ZNF385D: variants seen among roughly 807,000 people sequenced by gnomAD.
The protein encoded by ZNF385D is zinc finger protein 385D, also known as zinc finger protein 659.
In ZNF385D, 15 loss-of-function variants were observed where a neutral mutation model predicts 35.8. That is an observed-to-expected ratio of 0.42 (90% confidence interval 0.28 to 0.64). The LOEUF (loss-of-function observed/expected upper bound fraction) is 0.64. Ranked by LOEUF, ZNF385D falls within the 30% of genes least tolerant of loss-of-function variation. ZNF385D has a pLI of 0.23. For synonymous variants in ZNF385D, 212 were observed against 186.8 expected, an observed-to-expected ratio of 1.13 and a Z score of -1.10; for missense variants, 474 against 494.6, an observed-to-expected ratio of 0.96 and a Z score of 0.39.
chr3:21,818,700 T>C (rs1241173899), intron 3 of ZNF385D, among the ~76,000 whole-genome samples: 1 of 152,058 alleles, frequency 6.6e-6, no homozygotes, highest in African/African-American at 2.4e-5. Flanking sequence ...GGTAAAGAAA[T>C]AAGATATATG....
intron 3 of ZNF385D, among the ~76,000 whole-genome samples, chr3:22,017,254 A>G (rs1696949172): frequency 6.6e-6 from 1 of 152,074 alleles, no homozygotes; most frequent in South Asian, 2.1e-4. Context: ...CATCTGGTTA[A>G]CATCACATAC....
In ZNF385D at chr3:22,325,573, G is replaced by C. The variant is rs866645951; in HGVS notation, c.106+46877C>G. 3.3e-5 allele frequency among the ~76,000 whole-genome samples: 5 copies of C among 152,056 alleles called. No individual in the cohort carries two copies. The South Asian group carries it at 1.0e-3, about 32-fold the overall frequency. ...GAGGCCAGGAGTTCGAGACCAGCCT[G>C]GGCAACATGGTCAAACTTCTACTAA... On this transcript the variant is annotated intron_variant, in intron 2 of 5. Coordinates refer to the ZNF385D transcript ENST00000494108.
intron 2 of ZNF385D, among the ~76,000 whole-genome samples, chr3:21,628,210 A>C (rs73138805): frequency 0.045 from 6,885 of 152,184 alleles, 517 homozygotes; most frequent in African/African-American, 0.16. Flanking sequence ...TGTTGCAAAA[A>C]GTCTTCACTC....
intron 2 of ZNF385D, among the ~76,000 whole-genome samples, chr3:22,336,161 A>G (rs2125469234): frequency 6.6e-6 from 1 of 152,230 alleles, no homozygotes; most frequent in East Asian, 1.9e-4. Flanking sequence ...TCACATGGTA[A>G]AACTGTTAAC....
At chr3:21,957,800 T>C (rs1288196445) in intron 3 of ZNF385D, among the ~76,000 whole-genome samples, 4 of 152,104 alleles carry the variant, frequency 2.6e-5, no homozygotes, top group Non-Finnish European at 5.9e-5. Flanking sequence ...GCTTTGACTT[T>C]TTCTCCTTCA....
intron 3 of ZNF385D, among the ~76,000 whole-genome samples, chr3:22,042,858 A>G (rs939621856): frequency 3.3e-5 from 5 of 152,202 alleles, no homozygotes; most frequent in African/African-American, 1.2e-4. Flanking sequence ...AAGATCACAG[A>G]CATATGTCAA....
chr3:22,220,386 C>A (rs1559461027), intron 2 of ZNF385D, among the ~76,000 whole-genome samples: 1 of 151,824 alleles, frequency 6.6e-6, no homozygotes, highest in African/African-American at 2.4e-5. Flanking sequence ...TTATCTCTGA[C>A]TCTAATTTCT....
At chr3:22,066,191 A>G (rs1285081283) in intron 3 of ZNF385D, among the ~76,000 whole-genome samples, 1 of 152,138 alleles carries the variant, frequency 6.6e-6, no homozygotes, top group South Asian at 2.1e-4. Context: ...TCAATAAATT[A>G]GAGTCAAAAG....
chr3:22,058,807 A>G (rs982034709), intron 3 of ZNF385D, among the ~76,000 whole-genome samples: 3 of 152,192 alleles, frequency 2.0e-5, no homozygotes, highest in Admixed American at 1.3e-4. Flanking sequence ...TTTGCTTTGT[A>G]TATTTGGTTA....
At chr3:21,914,108 C>G (rs564889252) in intron 3 of ZNF385D, among the ~76,000 whole-genome samples, 2 of 152,048 alleles carry the variant, frequency 1.3e-5, no homozygotes, top group Non-Finnish European at 2.9e-5. Flanking sequence ...ATGTAGCCTA[C>G]AGTTTAACAT....
At chr3:22,075,125 C>T (rs528794829) in intron 3 of ZNF385D, among the ~76,000 whole-genome samples, 1 of 152,062 alleles carries the variant, frequency 6.6e-6, no homozygotes, top group African/African-American at 2.4e-5. Context: ...TTGGCCCAAG[C>T]ATTGATACTT....
chr3:21,474,118 T>TA (rs34853843), intron 4 of ZNF385D, among the ~76,000 whole-genome samples: 142,193 of 151,966 alleles, frequency 0.94, 66,635 homozygotes, highest in African/African-American at 0.98. Flanking sequence ...GTGGAACAAA[T>TA]TTTTTTTTAA....
intron 3 of ZNF385D, among the ~76,000 whole-genome samples, chr3:21,894,406 G>A (rs1699029745): frequency 6.6e-6 from 1 of 152,120 alleles, no homozygotes; most frequent in Non-Finnish European, 1.5e-5. Context: ...TTGAGCAAAT[G>A]TTTGAAGCCA....
intron 3 of ZNF385D, among the ~76,000 whole-genome samples, chr3:22,072,419 G>C (rs147353371): frequency 1.3e-5 from 2 of 152,144 alleles, no homozygotes; most frequent in East Asian, 3.9e-4. Context: ...CCTTCAAGCA[G>C]AATGAAGCAC....
Position 21,574,320 on chromosome 3 carries a change from T to C in ZNF385D, c.166-9636A>G, listed in dbSNP as rs535725240. ...TCTCTACGTGAATAAAGTCCGCAAA[T>C]TCCTAACTGAAAAAACTACAAAATA... On this transcript the variant is annotated intron_variant, in intron 2 of 7. Coordinates refer to ENST00000281523, the MANE Select transcript of ZNF385D (RefSeq NM_024697.3). Among the ~76,000 whole-genome samples, 398 of 152,118 alleles carry C rather than the reference T, an allele frequency of 2.6e-3. 1 individual carries two copies. Among genetic ancestry groups the C allele is most frequent in the Middle Eastern group, 6.8e-3 (2 of 294 alleles).
chr3:22,243,008 A>T (rs1699579805), intron 2 of ZNF385D, among the ~76,000 whole-genome samples: 1 of 151,152 alleles, frequency 6.6e-6, no homozygotes, highest in African/African-American at 2.4e-5. Flanking sequence ...CCCAAAAGCA[A>T]AAGCAACAAA....
intron 3 of ZNF385D, among the ~76,000 whole-genome samples, chr3:21,904,847 A>C (rs931467058): frequency 1.3e-5 from 2 of 152,182 alleles, no homozygotes; most frequent in African/African-American, 4.8e-5. Context: ...AAATGTTTGC[A>C]TTATGTTGTT....
At chr3:22,297,327 T>C (rs537903879) in intron 2 of ZNF385D, among the ~76,000 whole-genome samples, 34 of 152,134 alleles carry the variant, frequency 2.2e-4, no homozygotes, top group African/African-American at 7.7e-4. Flanking sequence ...TTTCCCTTCA[T>C]CTGAAAAAAG....
chr3:22,004,510 G>C (rs1696073041), intron 3 of ZNF385D, among the ~76,000 whole-genome samples: 1 of 152,188 alleles, frequency 6.6e-6, no homozygotes. Flanking sequence ...TGGAATAGGA[G>C]AAAGTGTTTG....
Sources: allele counts gnomAD v4.1 joint callset (sites outside exome capture counted in the v4.1 genomes callset), GRCh38; gene constraint gnomAD v4.1.1; transcripts MANE v1.5; gene names NCBI Gene and HGNC (gene_info 2026-07-23, HGNC 2026-07-21).